PPFIA2: variants seen among roughly 807,000 people sequenced by gnomAD.
PPFIA2 encodes PPFI scaffold protein A2.
PPFIA2 carries 46 observed loss-of-function variants against 175.5 expected under a neutral mutation model. The observed-to-expected ratio is 0.26, with a 90% CI of 0.21 to 0.34. PPFIA2 has a LOEUF of 0.34. PPFIA2 is among the 10% of genes least tolerant of loss of function. The pLI is 1.00. For missense variants in PPFIA2, 1,179 were observed against 1,506.1 expected (o/e 0.78, Z 3.60); for synonymous variants, 568 against 511.4 (o/e 1.11, Z -1.49).
At chr12:81,427,591 A>G (rs1480359523) in intron 7 of PPFIA2, among the ~76,000 whole-genome samples, 1 of 152,066 alleles carries the variant, frequency 6.6e-6, no homozygotes, top group Admixed American at 6.6e-5. Context: ...TATTCACAAG[A>G]AGAAGATTTC....
chr12:81,741,978 A>C (rs1479587560), intron 3 of PPFIA2, among the ~76,000 whole-genome samples: 2 of 152,180 alleles, frequency 1.3e-5, no homozygotes, highest in African/African-American at 4.8e-5. Flanking sequence ...AAAGGTAAAG[A>C]AAGCAAGCCA....
intron 4 of PPFIA2, among the ~76,000 whole-genome samples, chr12:81,670,094 G>C (rs2071128478): frequency 6.6e-6 from 1 of 151,874 alleles, no homozygotes; most frequent in Admixed American, 6.6e-5. Context: ...GGGGAAAATA[G>C]CAGGAGGTTT....
chr12:81,578,255 G>A (rs973876739), intron 4 of PPFIA2, among the ~76,000 whole-genome samples: 1 of 151,628 alleles, frequency 6.6e-6, no homozygotes, highest in African/African-American at 2.4e-5. Context: ...TTCACACAAG[G>A]TGACCTCTAA....
intron 4 of PPFIA2, among the ~76,000 whole-genome samples, chr12:81,527,792 G>C (rs564191792): frequency 2.4e-4 from 36 of 152,160 alleles, no homozygotes; most frequent in African/African-American, 8.7e-4. Flanking sequence ...TGAGGGTTTA[G>C]TGACCTTACA....
At chr12:81,684,624 C>T (rs959884149) in intron 3 of PPFIA2, among the ~76,000 whole-genome samples, 32 of 152,188 alleles carry the variant, frequency 2.1e-4, no homozygotes, top group African/African-American at 7.0e-4. Context: ...ATAATGTTTG[C>T]ACAATAAATC....
At chr12:81,462,258 T>TATATATATATATATATATGTTAGAAAAC (rs1195838277) in intron 4 of PPFIA2, among the ~76,000 whole-genome samples, 1 of 93,618 alleles carries the variant, frequency 1.1e-5, no homozygotes, top group Non-Finnish European at 2.1e-5. Context: ...TTCTAACATA[T>TATATATATATATATATATGTTAGAAAAC]ATATATATAT....
At chr12:81,693,643 C>T (rs541528316) in intron 3 of PPFIA2, among the ~76,000 whole-genome samples, 2 of 152,152 alleles carry the variant, frequency 1.3e-5, no homozygotes, top group African/African-American at 4.8e-5. Context: ...ATAAAAATAC[C>T]TAAAAATGTG....
chr12:81,627,819 T>C lies in PPFIA2; in HGVS notation c.303+48972A>G, dbSNP rs143197895. On this transcript the variant is annotated intron_variant, in intron 4 of 32. Transcript: ENST00000549396. Reference sequence around the variant, plus strand: ...GCTACTAACAACAAAATGAAAACATTGTATGTCTTTTTTTCCATCTAGTAA... The same window carrying C: ...GCTACTAACAACAAAATGAAAACATCGTATGTCTTTTTTTCCATCTAGTAA... Among the ~76,000 whole-genome samples the C allele has an allele frequency of 1.0e-3, 158 of 152,214 alleles. No homozygotes were observed. In the Middle Eastern group the frequency reaches 0.014, roughly 13 times the overall value.
intron 21 of PPFIA2, among the ~76,000 whole-genome samples, chr12:81,333,983 T>C (rs188839534): frequency 6.6e-6 from 1 of 152,308 alleles, no homozygotes; most frequent in East Asian, 1.9e-4. Context: ...CATTTTGACA[T>C]CTTGTCCCCA....
chr12:81,347,198 CT>C (rs2059226730), intron 18 of PPFIA2, among the ~76,000 whole-genome samples: 1 of 152,004 alleles, frequency 6.6e-6, no homozygotes, highest in African/African-American at 2.4e-5. Context: ...GGTAATCCTC[CT>C]GCCTCAGCCT....
chr12:81,655,356 T>C (rs1318064134), intron 4 of PPFIA2, among the ~76,000 whole-genome samples: 1 of 151,648 alleles, frequency 6.6e-6, no homozygotes, highest in African/African-American at 2.4e-5. Flanking sequence ...ATTTACTTGT[T>C]TTTCCCTAGG....
chr12:81,299,448 G>A, intron 22 of PPFIA2, 66 bp from the exon 23 acceptor site: 1 of 1,502,776 alleles, frequency 6.7e-7, no homozygotes, highest in Non-Finnish European at 8.9e-7. Flanking sequence ...TATTTTTAAT[G>A]ATAATATTTT....
At position 81,576,661 on chromosome 12, in the gene PPFIA2, T is replaced by A. The variant is rs915912858; in HGVS notation, c.303+100130A>T. Among the ~76,000 whole-genome samples the A allele has an allele frequency of 4.6e-5, 7 of 151,878 alleles. No individual in the cohort carries two copies. In the East Asian group the frequency reaches 1.4e-3, roughly 29 times the overall value. On this transcript the variant is annotated intron_variant, in intron 4 of 32. Coordinates refer to ENST00000549396, the MANE Select transcript of PPFIA2 (RefSeq NM_003625.5). ...AGTAAATAAATCTCTATCAAGGCTA[T>A]ATAAATGTCTTTAGAATGCATACAA...
At chr12:81,699,161 G>C (rs1473410371) in intron 3 of PPFIA2, among the ~76,000 whole-genome samples, 2 of 152,046 alleles carry the variant, frequency 1.3e-5, no homozygotes, top group African/African-American at 4.8e-5. Context: ...AGAGAGTATA[G>C]CACATTTCAT....
At chr12:81,379,304 C>T (rs1413709558) in intron 9 of PPFIA2, among the ~76,000 whole-genome samples, 1 of 152,090 alleles carries the variant, frequency 6.6e-6, no homozygotes, top group East Asian at 1.9e-4. Flanking sequence ...ACCTGAAGTT[C>T]ATGTATAAAT....
At chr12:81,473,438 G>A (rs1279732413) in intron 4 of PPFIA2, among the ~76,000 whole-genome samples, 1 of 152,026 alleles carries the variant, frequency 6.6e-6, no homozygotes, top group Non-Finnish European at 1.5e-5. Flanking sequence ...TTCCATATTG[G>A]TAGCAAAATA....
chr12:81,440,281 T>C (rs576977597), intron 6 of PPFIA2, among the ~76,000 whole-genome samples: 8 of 152,280 alleles, frequency 5.3e-5, no homozygotes, highest in South Asian at 2.1e-4. Flanking sequence ...AGTTCCCTGA[T>C]AGAGCTTCAG....
At chr12:81,474,700 C>T (rs907860296) in intron 4 of PPFIA2, among the ~76,000 whole-genome samples, 7 of 152,122 alleles carry the variant, frequency 4.6e-5, no homozygotes, top group African/African-American at 1.7e-4. Flanking sequence ...ATAATTATTA[C>T]TTTTTGACTG....
intron 4 of PPFIA2, among the ~76,000 whole-genome samples, chr12:81,518,457 C>A (rs2062724587): frequency 1.3e-5 from 2 of 152,162 alleles, no homozygotes; most frequent in Non-Finnish European, 2.9e-5. Flanking sequence ...AAATCCACTG[C>A]AGATCACTCC....
Sources: gnomAD v4.1 joint callset for allele counts (sites outside exome capture counted in the v4.1 genomes callset) on GRCh38, gnomAD v4.1.1 for gene constraint, MANE v1.5 for transcripts, NCBI Gene and HGNC (gene_info 2026-07-23, HGNC 2026-07-21) for gene names.